The following HEATR6 variants were observed in gnomAD, a reference collection of about 807,000 sequenced individuals.
HEATR6 encodes HEAT repeat containing 6.
A neutral mutation model predicts 132.8 loss-of-function variants in HEATR6; 106 were observed. That is an observed-to-expected ratio of 0.80 (90% CI 0.68 to 0.94). HEATR6 has a LOEUF of 0.94. Among genes scored for constraint, HEATR6 ranks in the 40% least tolerant of loss-of-function variants. The probability of loss-of-function intolerance (pLI) is 0.00; values close to 1 mark genes in which losing one functional copy is unlikely to be tolerated. For missense variants in HEATR6, 1,339 were observed against 1,425.1 expected, an observed-to-expected ratio of 0.94 and a Z score of 0.97; for synonymous variants, 529 against 537.8, an observed-to-expected ratio of 0.98 and a Z score of 0.23.
chr17:60,048,972 CATATATATATAATATATATATATATAT>C lies in HEATR6; in HGVS notation c.2547+581_2548-585del, dbSNP rs989862209. Among the ~76,000 whole-genome samples, 72 of 59,522 alleles carry C rather than the reference CATATATATATAATATATATATATATAT, an allele frequency of 1.2e-3. 2 individuals carry two copies. The highest frequency in any genetic ancestry group is 6.4e-3 in the African/African-American group (37 of 5,776). 39.0% of individuals were successfully genotyped at this position (59,522 alleles called of 152,430 possible). On this transcript the variant is annotated intron_variant, in intron 16 of 19. Transcript: ENST00000184956. ...GTAATTAAAAATTAAAAATAAATAACATATATATATAATATATATATATATATATATATATATATATATATATGGTAA... is the reference window on the plus strand; with the variant it reads ...GTAATTAAAAATTAAAAATAAATAACATATATATATATATATATATGGTAA...
intron 6 of HEATR6, 105 bp downstream of exon 6, chr17:60,070,601 G>T (rs1409439081): frequency 1.1e-5 from 6 of 521,980 alleles, no homozygotes; most frequent in Admixed American, 6.9e-5. Flanking sequence ...ATATATGTAA[G>T]AACTTTTAAT....
At chr17:60,067,402 C>T in intron 8 of HEATR6, 32 bp downstream of exon 8, 1 of 1,445,268 alleles carries the variant, frequency 6.9e-7, no homozygotes, top group Non-Finnish European at 9.2e-7. Context: ...ACTTAGAATA[C>T]AAGGTATAAA....
At chr17:60,057,502 T>C in intron 11 of HEATR6, 99 bp from the exon 12 acceptor site, 1 of 755,976 alleles carries the variant, frequency 1.3e-6, no homozygotes, top group Non-Finnish European at 2.1e-6. Context: ...GTTCCTTGTG[T>C]AACCTGAATC....
chr17:60,043,058 G>A lies in HEATR6; in HGVS notation c.*505C>T, dbSNP rs532434235. On this transcript the variant is annotated 3_prime_UTR_variant, in exon 20 of 20. Coordinates refer to ENST00000184956, the MANE Select transcript of HEATR6 (RefSeq NM_022070.5). ...CTGTGAGGCACCGTCAGCATCCTCG[G>A]TCCTGTGCGGCTGTGAGGCACTGTC... 1 of 199,332 alleles carries A rather than the reference G, an allele frequency of 5.0e-6. No individual in the cohort carries two copies. Among genetic ancestry groups the A allele is most frequent in the African/African-American group, 4.6e-5 (1 of 21,706 alleles). 12.3% of individuals were successfully genotyped at this position (199,332 alleles called of 1,614,324 possible).
chr17:60,069,939 C>A (rs539444363), intron 6 of HEATR6, 91 bp from the exon 7 acceptor site: 34 of 1,463,472 alleles, frequency 2.3e-5, no homozygotes, highest in African/African-American at 1.1e-4. Flanking sequence ...AACTATTTAC[C>A]ATGTCTGGAT....
At chr17:60,056,470 G>A (rs1313912508) in intron 12 of HEATR6, among the ~76,000 whole-genome samples, 1 of 152,042 alleles carries the variant, frequency 6.6e-6, no homozygotes, top group Non-Finnish European at 1.5e-5. Flanking sequence ...TTTAAGTCTT[G>A]GAACTATTCT....
intron 11 of HEATR6, among the ~76,000 whole-genome samples, chr17:60,059,063 T>A (rs1445937113): frequency 2.6e-5 from 4 of 152,222 alleles, no homozygotes; most frequent in African/African-American, 9.6e-5. Flanking sequence ...TCCGTCTGTC[T>A]GTCTATCTAA....
intron 5 of HEATR6, among the ~76,000 whole-genome samples, chr17:60,071,870 C>T (rs2083271203): frequency 6.6e-6 from 1 of 152,168 alleles, no homozygotes; most frequent in South Asian, 2.1e-4. Context: ...TCGTTTGCAT[C>T]GTATTTTTAA....
chr17:60,067,792 A>T, intron 7 of HEATR6, 60 bp from the exon 8 acceptor site: 10 of 1,332,694 alleles, frequency 7.5e-6, no homozygotes, highest in Non-Finnish European at 1.0e-5. Context: ...CTTTTCACTG[A>T]ATCGTTACTT....
Position 60,056,237 on chromosome 17 carries a change from C to T in HEATR6, c.2080G>A (p.Val694Ile), listed in dbSNP as rs1343427166. 3 of 1,613,138 alleles carry T rather than the reference C, an allele frequency of 1.9e-6. No homozygotes were observed. Among genetic ancestry groups the T allele is most frequent in the African/African-American group, 1.3e-5 (1 of 74,860 alleles). Residue 694 changes from valine (V) to isoleucine (I), a missense_variant and splice_region_variant, in exon 13 of 20, where the codon GTA (valine) becomes ATA (isoleucine). Physicochemically the swap from Val to Ile is conservative, Grantham distance 29. Coordinates refer to ENST00000184956, the MANE Select transcript of HEATR6 (RefSeq NM_022070.5). Reference protein sequence around the residue: ...PSPMRLEALQVLTLLARGYFS... With the variant: ...PSPMRLEALQILTLLARGYFS... ...TAGCCCCTTGCCAGAAGAGTCAATA[C>T]CTGCAAAGAGAGCATGGAATTAACC...
chr17:60,056,938 C>A, intron 12 of HEATR6, 110 bp downstream of exon 12: 1 of 720,830 alleles, frequency 1.4e-6, no homozygotes, highest in Non-Finnish European at 2.3e-6. Flanking sequence ...AATACAATTC[C>A]CACGAACACA....
At chr17:60,065,228 G>A (rs551107523) in intron 9 of HEATR6, among the ~76,000 whole-genome samples, 14 of 152,026 alleles carry the variant, frequency 9.2e-5, no homozygotes, top group South Asian at 8.3e-4. Flanking sequence ...ATTTTTTTGC[G>A]TGTATATAAA....
At chr17:60,069,585 C>G in intron 7 of HEATR6, 126 bp downstream of exon 7, 1 of 854,894 alleles carries the variant, frequency 1.2e-6, no homozygotes, top group East Asian at 2.6e-5. Flanking sequence ...ACTATGCTAA[C>G]AACCCTAAAC....
In HEATR6 at chr17:60,078,816, C is replaced by T. The variant is rs1455049800; in HGVS notation, c.99G>A (p.Leu33=). The change falls in exon 1 of 20, where the codon TTG becomes TTA. Residue 33 remains leucine, a synonymous_variant. Coordinates refer to ENST00000184956, the MANE Select transcript of HEATR6 (RefSeq NM_022070.5). ...IPERGNGFRL[L]SARLCALRPD... ...GGCGCAGGGCGCAGAGCCTGGCAGA[C>T]AAGAGGCGAAACCCATTGCCTCGCT... 6.2e-7 allele frequency: 1 copy of T among 1,603,594 alleles called. No individual in the cohort carries two copies. Among genetic ancestry groups the T allele is most frequent in the Admixed American group, 1.7e-5 (1 of 58,998 alleles).
At chr17:60,051,450 T>C (rs1047709620) in intron 14 of HEATR6, among the ~76,000 whole-genome samples, 7 of 152,238 alleles carry the variant, frequency 4.6e-5, no homozygotes, top group Non-Finnish European at 7.3e-5. Context: ...AGGGGTGAAC[T>C]AGAATCCAAA....
At chr17:60,068,124 T>C (rs949987995) in intron 7 of HEATR6, among the ~76,000 whole-genome samples, 2 of 152,216 alleles carry the variant, frequency 1.3e-5, no homozygotes, top group Non-Finnish European at 2.9e-5. Context: ...CTGGAATTTC[T>C]CAAGAGCATT....
intron 9 of HEATR6, chr17:60,064,748 G>C (rs745643180): frequency 6.6e-6 from 1 of 152,152 alleles, no homozygotes; most frequent in Non-Finnish European, 1.5e-5. Flanking sequence ...CAAGGAGATG[G>C]ATAAGACCAC....
chr17:60,062,741 T>C (rs985101682), intron 9 of HEATR6, among the ~76,000 whole-genome samples: 2 of 152,194 alleles, frequency 1.3e-5, no homozygotes, highest in African/African-American at 4.8e-5. Flanking sequence ...CTAAGTGATA[T>C]GGTTTAGCTG....
In HEATR6 at chr17:60,078,738, G is replaced by GAGCT; in HGVS notation, c.173_176dup (p.Ile60AlafsTer18). The GAGCT allele has an allele frequency of 6.4e-7, 1 of 1,557,132 alleles. No individual in the cohort carries two copies. The highest frequency in any genetic ancestry group is 2.4e-5 in the East Asian group (1 of 41,678). Reference sequence around the variant, plus strand: ...TGCCCTCGCTGTAGTTCTCGGAGATGAGCTGATCGAAGAGCAGGTGGATCT... The same window carrying GAGCT: ...TGCCCTCGCTGTAGTTCTCGGAGATGAGCTAGCTGATCGAAGAGCAGGTGGATCT... On this transcript the variant is annotated frameshift_variant, in exon 1 of 20. Coordinates refer to ENST00000184956, the MANE Select transcript of HEATR6 (RefSeq NM_022070.5). LOFTEE classifies it high-confidence loss of function.
Sources: gnomAD v4.1 joint callset for allele counts (sites outside exome capture counted in the v4.1 genomes callset) on GRCh38, gnomAD v4.1.1 for gene constraint, MANE v1.5 for transcripts, NCBI Gene and HGNC (gene_info 2026-07-23, HGNC 2026-07-21) for gene names.